KAZN: variants seen among roughly 807,000 people sequenced by gnomAD.
The protein encoded by KAZN is kazrin.
KAZN carries 40 observed loss-of-function variants against 87.4 expected under a neutral mutation model. The ratio of observed to expected loss-of-function variants is 0.46; its 90% CI spans 0.36 to 0.60. The LOEUF (loss-of-function observed/expected upper bound fraction) is 0.60. KAZN is among the 20% of genes least tolerant of loss of function. The pLI is 0.00. For synonymous variants in KAZN, 466 were observed against 458.3 expected (o/e 1.02, Z -0.22); for missense variants, 898 against 1,073.9 (o/e 0.84, Z 2.29).
At chr1:15,110,514 TTTGTG>T (rs1557807227) in intron 13 of KAZN, among the ~76,000 whole-genome samples, 5 of 83,188 alleles carry the variant, frequency 6.0e-5, no homozygotes, top group African/African-American at 2.5e-4. Context: ...TATTTGTGTG[TTTGTG>T]TGTATGTGTT....
intron 1 of KAZN, among the ~76,000 whole-genome samples, chr1:14,738,130 G>C (rs1258002163): frequency 2.0e-5 from 3 of 151,936 alleles, no homozygotes; most frequent in African/African-American, 7.3e-5. Flanking sequence ...TTCTCCCTTG[G>C]GCCCCACACC....
At chr1:14,159,590 G>A (rs765766487) in intron 1 of KAZN, among the ~76,000 whole-genome samples, 1 of 152,206 alleles carries the variant, frequency 6.6e-6, no homozygotes, top group African/African-American at 2.4e-5. Flanking sequence ...CCTACTTGGT[G>A]CTCTACCCCT....
chr1:15,046,473 C>T (rs1034613975), intron 4 of KAZN, among the ~76,000 whole-genome samples: 7 of 151,924 alleles, frequency 4.6e-5, no homozygotes, highest in African/African-American at 1.2e-4. Context: ...GAAGAAAATC[C>T]GCCGATAATC....
chr1:14,032,018 C>A (rs1248442425), intron 1 of KAZN, among the ~76,000 whole-genome samples: 1 of 152,184 alleles, frequency 6.6e-6, no homozygotes, highest in East Asian at 1.9e-4. Context: ...GGATGGCTGG[C>A]TGGCTGTTAA....
intron 2 of KAZN, among the ~76,000 whole-genome samples, chr1:14,317,587 C>T (rs1035637947): frequency 2.0e-5 from 3 of 151,772 alleles, no homozygotes; most frequent in African/African-American, 7.2e-5. Context: ...CTGTTTGCTC[C>T]ATCTGTTTTT....
At chr1:14,621,513 A>G (rs1678695482) in intron 1 of KAZN, among the ~76,000 whole-genome samples, 1 of 152,222 alleles carries the variant, frequency 6.6e-6, no homozygotes, top group South Asian at 2.1e-4. Context: ...GGACCACACT[A>G]ACTCCCCAAG....
At chr1:15,010,677 A>AC (rs1669491808) in intron 2 of KAZN, among the ~76,000 whole-genome samples, 1 of 152,142 alleles carries the variant, frequency 6.6e-6, no homozygotes, top group Non-Finnish European at 1.5e-5. Flanking sequence ...GGCGTGAGCC[A>AC]CCACTCCCGG....
chr1:14,414,815 A>G (rs1402334536), intron 2 of KAZN, among the ~76,000 whole-genome samples: 1 of 152,158 alleles, frequency 6.6e-6, no homozygotes. Flanking sequence ...ACCTGAGGTC[A>G]GGAGTTCGAG....
At chr1:15,078,240 A>G (rs1639844339) in intron 8 of KAZN, among the ~76,000 whole-genome samples, 1 of 152,072 alleles carries the variant, frequency 6.6e-6, no homozygotes, top group South Asian at 2.1e-4. Flanking sequence ...TTCCATCTCT[A>G]CTAAAAATAC....
At chr1:14,812,153 G>T (rs901902545) in intron 1 of KAZN, among the ~76,000 whole-genome samples, 2 of 151,822 alleles carry the variant, frequency 1.3e-5, no homozygotes, top group Non-Finnish European at 2.9e-5. Context: ...AGGTAGCATT[G>T]CTTTGAAGGG....
At chr1:14,959,052 A>G (rs986277482) in intron 1 of KAZN, among the ~76,000 whole-genome samples, 1 of 152,238 alleles carries the variant, frequency 6.6e-6, no homozygotes, top group Non-Finnish European at 1.5e-5. Flanking sequence ...TCCATAGGGC[A>G]TGACAGGCGC....
intron 2 of KAZN, among the ~76,000 whole-genome samples, chr1:14,589,389 C>T (rs1676055136): frequency 6.6e-6 from 1 of 151,702 alleles, no homozygotes; most frequent in Admixed American, 6.6e-5. Flanking sequence ...CAGCTTTGCA[C>T]CTGGCTGGCT....
chr1:14,446,118 C>T (rs1666971860), intron 2 of KAZN, among the ~76,000 whole-genome samples: 1 of 152,126 alleles, frequency 6.6e-6, no homozygotes, highest in Non-Finnish European at 1.5e-5. Flanking sequence ...ATTACTTCAG[C>T]CCAGGAGGTC....
intron 2 of KAZN, among the ~76,000 whole-genome samples, chr1:14,329,814 T>A (rs181317373): frequency 6.6e-6 from 1 of 152,356 alleles, no homozygotes; most frequent in East Asian, 1.9e-4. Context: ...GCCAGCTCAG[T>A]GCAAAGCACT....
chr1:14,999,159 C>T (rs1351068773), intron 2 of KAZN, among the ~76,000 whole-genome samples: 1 of 152,206 alleles, frequency 6.6e-6, no homozygotes, highest in Non-Finnish European at 1.5e-5. Context: ...GTGCTCCAGC[C>T]TGGGTGACAG....
At position 14,735,323 on chromosome 1, in the gene KAZN, G is replaced by GT. The variant is rs1210879477; in HGVS notation, c.226+136101dup. Among the ~76,000 whole-genome samples the GT allele has an allele frequency of 6.6e-6, 1 of 152,226 alleles. No individual in the cohort carries two copies. The highest frequency in any genetic ancestry group is 1.5e-5 in the Non-Finnish European group (1 of 68,038). On this transcript the variant is annotated intron_variant, in intron 1 of 14. Coordinates refer to ENST00000376030, the MANE Select transcript of KAZN (RefSeq NM_201628.3). The surrounding 1 kb of genome is among the most constrained non-coding windows in gnomAD (Gnocchi z 4.3). The stretch of plus-strand genomic sequence containing the variant: ...GATCCGCCCGCCTCGGCCTCCCAAA[G>GT]TGCTGGGATTACAGGCGTGAGCCAC...
chr1:15,002,162 G>C (rs1668554868), intron 2 of KAZN, among the ~76,000 whole-genome samples: 1 of 152,162 alleles, frequency 6.6e-6, no homozygotes, highest in Non-Finnish European at 1.5e-5. Flanking sequence ...TTACAGGCGT[G>C]AGCCACCGTG....
intron 2 of KAZN, among the ~76,000 whole-genome samples, chr1:14,459,021 A>G (rs1667714001): frequency 6.6e-6 from 1 of 152,108 alleles, no homozygotes; most frequent in South Asian, 2.1e-4. Flanking sequence ...TTTGTTTGTC[A>G]AACTGGGTGG....
chr1:13,905,387 T>A (rs561834285), intron 1 of KAZN, among the ~76,000 whole-genome samples: 59 of 152,202 alleles, frequency 3.9e-4, no homozygotes, highest in Non-Finnish European at 1.0e-4. Flanking sequence ...TTTCCATACA[T>A]TCCCTGGTAG....
Sources: gnomAD v4.1 joint callset for allele counts (sites outside exome capture counted in the v4.1 genomes callset) on GRCh38, gnomAD v4.1.1 for gene constraint, Gnocchi (gnomAD v3.1) non-coding constraint, MANE v1.5 for transcripts, NCBI Gene and HGNC (gene_info 2026-07-23, HGNC 2026-07-21) for gene names.